The following SOX5 variants were observed in gnomAD, a reference collection of about 807,000 sequenced individuals.
SOX5 encodes SRY-box transcription factor 5, also known as transcription factor SOX-5.
In SOX5, 9 loss-of-function variants were observed where a neutral mutation model predicts 92.0. The observed-to-expected ratio is 0.10, with a 90% CI of 0.06 to 0.17. The LOEUF is 0.17. Ranked by LOEUF, SOX5 falls within the 10% of genes least tolerant of loss-of-function variation. The pLI is 1.00. For synonymous variants in SOX5, 344 were observed against 336.3 expected (o/e 1.02, Z -0.25); for missense variants, 642 against 944.5 (o/e 0.68, Z 4.20).
At chr12:23,918,788 A>G (rs868236264) in intron 1 of SOX5, among the ~76,000 whole-genome samples, 1 of 151,986 alleles carries the variant, frequency 6.6e-6, no homozygotes, top group Non-Finnish European at 1.5e-5. Context: ...GTGGTGGCAC[A>G]TGCCTGTAAT....
chr12:23,939,098 A>G (rs1943143935), intron 1 of SOX5, among the ~76,000 whole-genome samples: 1 of 151,048 alleles, frequency 6.6e-6, no homozygotes, highest in South Asian at 2.1e-4. Flanking sequence ...AAATAATTTT[A>G]TATTTATTTT....
chr12:24,213,623 A>T (rs957463257), intron 3 of SOX5, among the ~76,000 whole-genome samples: 4 of 151,176 alleles, frequency 2.6e-5, no homozygotes, highest in African/African-American at 9.7e-5. Context: ...TCTAGACCAG[A>T]TTCATAGCCA....
At chr12:23,546,090 T>G (rs1943082141) in intron 12 of SOX5, among the ~76,000 whole-genome samples, 1 of 152,146 alleles carries the variant, frequency 6.6e-6, no homozygotes, top group African/African-American at 2.4e-5. Context: ...TCAGGCTCTT[T>G]CTCTGCAATG....
At chr12:23,804,915 T>TA (rs2095734758) in intron 3 of SOX5, among the ~76,000 whole-genome samples, 4 of 75,064 alleles carry the variant, frequency 5.3e-5, no homozygotes, top group Admixed American at 1.8e-4. Context: ...TATCATTGTT[T>TA]TATATATATA....
intron 2 of SOX5, among the ~76,000 whole-genome samples, chr12:23,851,613 T>G (rs2136178699): frequency 6.6e-6 from 1 of 152,250 alleles, no homozygotes; most frequent in East Asian, 1.9e-4. Context: ...GTCATCCAAT[T>G]TAAAGCCTTT....
At chr12:23,646,147 G>A (rs977833044) in intron 7 of SOX5, among the ~76,000 whole-genome samples, 2 of 152,034 alleles carry the variant, frequency 1.3e-5, no homozygotes, top group African/African-American at 4.8e-5. Flanking sequence ...TGAAGGTTAG[G>A]GTAGCTAACC....
At chr12:23,684,990 T>C (rs1259365742) in intron 6 of SOX5, among the ~76,000 whole-genome samples, 2 of 152,154 alleles carry the variant, frequency 1.3e-5, no homozygotes, top group African/African-American at 2.4e-5. Flanking sequence ...AAATAATTTA[T>C]GTACTTGTGT....
intron 2 of SOX5, among the ~76,000 whole-genome samples, chr12:24,307,247 GT>G (rs1473086771): frequency 6.6e-6 from 1 of 152,120 alleles, no homozygotes; most frequent in Non-Finnish European, 1.5e-5. Flanking sequence ...CTATTTACTA[GT>G]GAGGAAATAG....
intron 6 of SOX5, among the ~76,000 whole-genome samples, chr12:23,714,080 G>A (rs1441913728): frequency 6.8e-5 from 10 of 146,194 alleles, no homozygotes; most frequent in Non-Finnish European, 1.3e-4. Context: ...GACAAAGCAA[G>A]ACTCCGCCTC....
chr12:23,837,886 A>C (rs867541103), intron 3 of SOX5, among the ~76,000 whole-genome samples: 64 of 108,368 alleles, frequency 5.9e-4, no homozygotes, highest in African/African-American at 2.4e-3. Flanking sequence ...TATTTATATA[A>C]TATATAAGAT....
chr12:23,709,866 T>G (rs2091864419), intron 6 of SOX5, among the ~76,000 whole-genome samples: 1 of 152,182 alleles, frequency 6.6e-6, no homozygotes, highest in South Asian at 2.1e-4. Context: ...GGATGAATTT[T>G]GAACATTTAA....
intron 6 of SOX5, among the ~76,000 whole-genome samples, chr12:23,703,162 T>C (rs2090906268): frequency 6.6e-6 from 1 of 152,074 alleles, no homozygotes; most frequent in Non-Finnish European, 1.5e-5. Flanking sequence ...ATATGTAGTG[T>C]GAACAGGTTT....
chr12:24,192,869 C>T (rs114669144), intron 4 of SOX5, among the ~76,000 whole-genome samples: 160 of 152,316 alleles, frequency 1.1e-3, no homozygotes, highest in African/African-American at 3.7e-3. Context: ...CCAGAGCCTA[C>T]AGAGTAGCCC....
intron 8 of SOX5, among the ~76,000 whole-genome samples, chr12:23,608,115 GAAAAAAAAAA>G (rs772255622): frequency 1.4e-4 from 6 of 44,064 alleles, no homozygotes; most frequent in East Asian, 8.1e-4. Context: ...AAAGAAAAAA[GAAAAAAAAAA>G]AAAAAAAAAA....
At chr12:24,479,530 T>C (rs1004121865) in intron 1 of SOX5, among the ~76,000 whole-genome samples, 1 of 152,228 alleles carries the variant, frequency 6.6e-6, no homozygotes, top group African/African-American at 2.4e-5. Flanking sequence ...TCTTGAATGG[T>C]ATGTGGAATG....
chr12:24,341,710 G>A (rs1952593979), intron 2 of SOX5, among the ~76,000 whole-genome samples: 2 of 152,128 alleles, frequency 1.3e-5, no homozygotes, highest in South Asian at 4.1e-4. Flanking sequence ...AAACTGGCAG[G>A]ATACAGTAAA....
chr12:23,888,279 A>C (rs2097092654), intron 2 of SOX5, among the ~76,000 whole-genome samples: 2 of 152,176 alleles, frequency 1.3e-5, no homozygotes, highest in Non-Finnish European at 1.5e-5. Context: ...TTTCAGGCTA[A>C]CACATTTCCC....
intron 1 of SOX5, among the ~76,000 whole-genome samples, chr12:24,430,239 T>G (rs1938023977): frequency 6.6e-6 from 1 of 152,140 alleles, no homozygotes; most frequent in Non-Finnish European, 1.5e-5. Flanking sequence ...TTCTTAATCT[T>G]TGGTGTTTGC....
At chr12:23,960,748 T>C (rs1946838613) in intron 4 of SOX5, among the ~76,000 whole-genome samples, 1 of 151,658 alleles carries the variant, frequency 6.6e-6, no homozygotes, top group African/African-American at 2.4e-5. Context: ...CCAATTCATA[T>C]AGTACAAAAT....
Sources: allele counts gnomAD v4.1 joint callset (sites outside exome capture counted in the v4.1 genomes callset), GRCh38; gene constraint gnomAD v4.1.1; transcripts MANE v1.5; gene names NCBI Gene and HGNC (gene_info 2026-07-23, HGNC 2026-07-21).